Variants in RIMBP2 observed in about 807,000 individuals in gnomAD.
RIMBP2 encodes the protein RIMS-binding protein 2.
Under a neutral mutation model 118.6 loss-of-function variants are expected in RIMBP2, and 48 were observed. That is an observed-to-expected ratio of 0.40 (90% confidence interval 0.32 to 0.51). The LOEUF is 0.51. Ranked by LOEUF, RIMBP2 falls within the 20% of genes least tolerant of loss-of-function variation. The pLI is 0.41. For missense variants in RIMBP2, 1,551 were observed against 1,768.3 expected (o/e 0.88, Z 2.20); for synonymous variants, 762 against 742.9 (o/e 1.03, Z -0.42).
chr12:130,414,552 C>A, intron 17 of RIMBP2: 3 of 326,070 alleles, frequency 9.2e-6, no homozygotes, highest in Non-Finnish European at 1.7e-5. Context: ...CAGGGCTGGG[C>A]CTCGGGGGCC....
At chr12:130,612,900 T>TC (rs1052152562) in intron 2 of RIMBP2, among the ~76,000 whole-genome samples, 14 of 120,104 alleles carry the variant, frequency 1.2e-4, no homozygotes, top group Admixed American at 2.5e-4. Flanking sequence ...CTCCTTTCCC[T>TC]CCCCCCTCCC....
chr12:130,648,091 GATC>G (rs1849886416), intron 1 of RIMBP2, among the ~76,000 whole-genome samples: 1 of 144,436 alleles, frequency 6.9e-6, no homozygotes, highest in African/African-American at 2.5e-5. Context: ...GTCACGCGCT[GATC>G]ATCACCGAGC....
chr12:130,649,425 C>T (rs1594142570), intron 1 of RIMBP2, among the ~76,000 whole-genome samples: 1 of 152,172 alleles, frequency 6.6e-6, no homozygotes, highest in African/African-American at 2.4e-5. Flanking sequence ...CTGGGAAGGG[C>T]GGCGCCTTCC....
chr12:130,678,255 C>T (rs1436287113), intron 1 of RIMBP2, among the ~76,000 whole-genome samples: 3 of 152,208 alleles, frequency 2.0e-5, no homozygotes, highest in East Asian at 1.9e-4. Context: ...GCAGCGAAAA[C>T]GCCAACAGGA....
intron 7 of RIMBP2, among the ~76,000 whole-genome samples, chr12:130,452,895 G>A (rs2079117977): frequency 6.6e-6 from 1 of 152,128 alleles, no homozygotes. Context: ...AACTCTCTAG[G>A]GAAAAATAAC....
intron 2 of RIMBP2, among the ~76,000 whole-genome samples, chr12:130,559,182 A>T (rs768846919): frequency 1.3e-4 from 19 of 151,206 alleles, no homozygotes; most frequent in Admixed American, 2.0e-4. Context: ...TTTGAAATCG[A>T]CTCTCCTGGT....
At chr12:130,545,928 A>T (rs2055098361) in intron 2 of RIMBP2, among the ~76,000 whole-genome samples, 1 of 152,156 alleles carries the variant, frequency 6.6e-6, no homozygotes. Context: ...GCTCATCAAA[A>T]AGGACTTAGT....
Position 130,442,451 on chromosome 12 carries a change from T to C in RIMBP2, c.901A>G (p.Thr301Ala). The C allele has an allele frequency of 6.2e-7, 1 of 1,614,074 alleles. No individual in the cohort carries two copies. Among genetic ancestry groups the C allele is most frequent in the Non-Finnish European group, 8.5e-7 (1 of 1,180,016 alleles). Residue 301 changes from threonine (T) to alanine (A), a missense_variant, in exon 11 of 23, where the codon ACC becomes GCC. Physicochemically the swap from Thr to Ala is moderately conservative, Grantham distance 58. Coordinates refer to ENST00000690449, the MANE Select transcript of RIMBP2 (RefSeq NM_001393629.1). The surrounding 1 kb of genome is among the most constrained non-coding windows in gnomAD (Gnocchi z 6.9). ...DAGITDNSAG[T>A]LDVNIDDIGE... is the part of the protein sequence containing the mutation. Reference sequence around the variant, plus strand: ...ATGTCGTCGATGTTCACGTCCAGGGTCCCGGCACTGTTGTCGGTGATGCCC... The same window carrying C: ...ATGTCGTCGATGTTCACGTCCAGGGCCCCGGCACTGTTGTCGGTGATGCCC...
intron 6 of RIMBP2, among the ~76,000 whole-genome samples, chr12:130,462,686 T>G (rs1200083894): frequency 1.3e-5 from 2 of 152,186 alleles, no homozygotes; most frequent in Non-Finnish European, 2.9e-5. Flanking sequence ...CCCTGTGCAG[T>G]TGACGTGCTT....
intron 7 of RIMBP2, among the ~76,000 whole-genome samples, chr12:130,453,683 C>A (rs1467262906): frequency 6.6e-6 from 1 of 152,170 alleles, no homozygotes; most frequent in East Asian, 1.9e-4. Flanking sequence ...AGGGGCCGGG[C>A]CGGGGGCTGT....
chr12:130,696,730 G>C (rs2065592907), intron 1 of RIMBP2, among the ~76,000 whole-genome samples: 1 of 152,204 alleles, frequency 6.6e-6, no homozygotes, highest in Non-Finnish European at 1.5e-5. Context: ...AAGGAGTAAG[G>C]GGAATTAAAA....
intron 2 of RIMBP2, among the ~76,000 whole-genome samples, chr12:130,601,335 CAA>C (rs35127958): frequency 7.3e-4 from 46 of 63,048 alleles, no homozygotes; most frequent in African/African-American, 2.0e-3. Context: ...AGAGGGCAGG[CAA>C]AAAAAAAAAA....
intron 2 of RIMBP2, among the ~76,000 whole-genome samples, chr12:130,543,751 C>A (rs927612684): frequency 6.9e-6 from 1 of 145,600 alleles, no homozygotes; most frequent in Non-Finnish European, 1.5e-5. Flanking sequence ...TTGGGTGCAC[C>A]AGGTGGAAAA....
In RIMBP2 at chr12:130,438,606, G is replaced by A. The variant is rs375569383; in HGVS notation, c.1505-90C>T. 79 of 1,130,804 alleles carry A rather than the reference G, an allele frequency of 7.0e-5. 1 individual carries two copies. Among genetic ancestry groups the A allele is most frequent in the South Asian group, 1.6e-4 (10 of 61,606 alleles). 70.0% of individuals were successfully genotyped at this position (1,130,804 alleles called of 1,614,324 possible). On this transcript the variant is annotated intron_variant, in intron 11 of 22. Transcript: ENST00000690449. ...GGCTCTGCCCATCTCACCTGGAAAC[G>A]AGATCATTCGGTAAAGTCGCCAGGG...
intron 2 of RIMBP2, among the ~76,000 whole-genome samples, chr12:130,583,560 TCAC>T (rs776991498): frequency 1.4e-5 from 2 of 140,826 alleles, no homozygotes; most frequent in Non-Finnish European, 3.1e-5. Context: ...ACCACGACCA[TCAC>T]CACCATCACC....
intron 5 of RIMBP2, 83 bp downstream of exon 5, chr12:130,478,829 C>T (rs534454219): frequency 1.0e-5 from 10 of 954,750 alleles, no homozygotes; most frequent in South Asian, 4.5e-5. Context: ...GGCCGCAGGT[C>T]GGCCGCTCCA....
intron 6 of RIMBP2, among the ~76,000 whole-genome samples, chr12:130,459,714 T>C (rs1227198000): frequency 1.3e-5 from 2 of 151,558 alleles, no homozygotes; most frequent in African/African-American, 2.4e-5. Flanking sequence ...GTCGTCGCAA[T>C]ACAGAGGGAA....
intron 1 of RIMBP2, among the ~76,000 whole-genome samples, chr12:130,674,668 A>C (rs1021461910): frequency 1.6e-4 from 24 of 152,174 alleles, no homozygotes; most frequent in Non-Finnish European, 2.9e-4. Flanking sequence ...AGTGGCATGG[A>C]GTGGCTTCAC....
At chr12:130,488,421 G>C (rs1252035294) in intron 4 of RIMBP2, among the ~76,000 whole-genome samples, 2 of 152,072 alleles carry the variant, frequency 1.3e-5, no homozygotes, top group Non-Finnish European at 2.9e-5. Context: ...GCTCAGTCAG[G>C]GGGTGGTGGG....
Sources: gnomAD v4.1 joint callset for allele counts (sites outside exome capture counted in the v4.1 genomes callset) on GRCh38, gnomAD v4.1.1 for gene constraint, Gnocchi (gnomAD v3.1) non-coding constraint, MANE v1.5 for transcripts, NCBI Gene and HGNC (gene_info 2026-07-23, HGNC 2026-07-21) for gene names.